The following CPQ variants were observed in gnomAD, a reference collection of about 807,000 sequenced individuals.
CPQ encodes Ser-Met dipeptidase.
A neutral mutation model predicts 45.7 loss-of-function variants in CPQ; 37 were observed. That is an observed-to-expected ratio of 0.81 (90% CI 0.62 to 1.07). CPQ has a LOEUF of 1.07. Among genes scored for constraint, CPQ ranks in the 50% least tolerant of loss-of-function variants. CPQ has a pLI of 0.00. For missense variants in CPQ, 537 were observed against 572.9 expected (o/e 0.94, Z 0.64); for synonymous variants, 186 against 205.8 (o/e 0.90, Z 0.82).
At chr8:97,123,281 ATATAAAAGGC>A (rs1412656840) in intron 7 of CPQ, among the ~76,000 whole-genome samples, 1 of 147,722 alleles carries the variant, frequency 6.8e-6, no homozygotes, top group Non-Finnish European at 1.5e-5. Context: ...TAGTGAGTAA[ATATAAAAGGC>A]ATTTTGGTTT....
At chr8:96,900,025 G>A (rs999849525) in intron 4 of CPQ, among the ~76,000 whole-genome samples, 21 of 152,056 alleles carry the variant, frequency 1.4e-4, no homozygotes, top group African/African-American at 5.1e-4. Context: ...TCAAATTCCT[G>A]GTACCTTTTC....
At chr8:96,855,389 A>C (rs192360990) in intron 3 of CPQ, among the ~76,000 whole-genome samples, 2 of 152,298 alleles carry the variant, frequency 1.3e-5, no homozygotes, top group Admixed American at 1.3e-4. Context: ...GTATCAGATC[A>C]TGAACCCAGG....
At chr8:96,933,127 G>A (rs1250344662) in intron 4 of CPQ, among the ~76,000 whole-genome samples, 1 of 152,102 alleles carries the variant, frequency 6.6e-6, no homozygotes, top group Non-Finnish European at 1.5e-5. Flanking sequence ...CCCTCACCAT[G>A]GGGAATTGGT....
intron 1 of CPQ, among the ~76,000 whole-genome samples, chr8:96,727,167 A>G (rs181353769): frequency 6.6e-6 from 1 of 152,314 alleles, no homozygotes; most frequent in East Asian, 1.9e-4. Flanking sequence ...GTCATAGAGT[A>G]TGTGAGTTTT....
At chr8:96,832,605 C>T (rs1432166991) in intron 2 of CPQ, among the ~76,000 whole-genome samples, 2 of 152,126 alleles carry the variant, frequency 1.3e-5, no homozygotes, top group East Asian at 1.9e-4. Context: ...CAGAGAAGGG[C>T]GGTACCTGAT....
At chr8:96,739,212 T>A (rs1237646393) in intron 1 of CPQ, among the ~76,000 whole-genome samples, 2 of 149,168 alleles carry the variant, frequency 1.3e-5, no homozygotes, top group African/African-American at 4.9e-5. Flanking sequence ...TGATGGCCAG[T>A]GATGGTGAGC....
chr8:97,017,839 C>A (rs1184146177), intron 5 of CPQ, among the ~76,000 whole-genome samples: 2 of 151,718 alleles, frequency 1.3e-5, no homozygotes, highest in Non-Finnish European at 2.9e-5. Flanking sequence ...ATACTCTTGG[C>A]AGTTCTAGGG....
At chr8:96,775,410 AG>A (rs1810592859) in intron 1 of CPQ, among the ~76,000 whole-genome samples, 2 of 152,314 alleles carry the variant, frequency 1.3e-5, no homozygotes, top group Admixed American at 1.3e-4. Context: ...CTGCACTAGA[AG>A]ACATAATGAA....
chr8:97,139,110 G>T (rs1176514284), intron 7 of CPQ, among the ~76,000 whole-genome samples: 2 of 152,108 alleles, frequency 1.3e-5, no homozygotes, highest in African/African-American at 4.8e-5. Flanking sequence ...TCTGCAAAAA[G>T]AACTAGGTGT....
chr8:96,760,895 T>G (rs776694519), intron 1 of CPQ: 10 of 152,214 alleles, frequency 6.6e-5, no homozygotes, highest in Admixed American at 5.2e-4. Context: ...GGAAATGATT[T>G]ACATTTTAGC....
At chr8:97,082,361 T>G (rs1810964528) in intron 7 of CPQ, among the ~76,000 whole-genome samples, 1 of 151,408 alleles carries the variant, frequency 6.6e-6, no homozygotes, top group South Asian at 2.1e-4. Flanking sequence ...GTTGGAAAAG[T>G]TACAGTGACC....
chr8:96,719,084 C>T (rs952181270), intron 1 of CPQ, among the ~76,000 whole-genome samples: 2 of 152,234 alleles, frequency 1.3e-5, no homozygotes, highest in Admixed American at 1.3e-4. Context: ...GCTGTGCGCT[C>T]GCACTCCTCA....
chr8:96,667,480 C>T (rs753883593), intron 1 of CPQ, among the ~76,000 whole-genome samples: 7 of 151,778 alleles, frequency 4.6e-5, no homozygotes, highest in Non-Finnish European at 1.0e-4. Context: ...TCCCATGTAG[C>T]TGGGATTACA....
intron 1 of CPQ, among the ~76,000 whole-genome samples, chr8:96,655,233 A>G (rs1815625151): frequency 1.3e-5 from 2 of 152,068 alleles, no homozygotes; most frequent in South Asian, 4.1e-4. Context: ...ATTGTGTCAC[A>G]TAATTCTTGT....
Position 96,887,103 on chromosome 8 carries a change from C to T in CPQ, c.849+7098C>T, listed in dbSNP as rs1378564814. ...AATGACTCTTTATGACGCCTTGTTC[C>T]CCTGTGCCTCTTTTCACACCCCTTC... is the stretch of plus-strand genomic sequence containing the variant. On this transcript the variant is annotated intron_variant, in intron 4 of 7. Transcript: ENST00000220763. Among the ~76,000 whole-genome samples, 3 of 152,194 alleles carry T rather than the reference C, an allele frequency of 2.0e-5. No individual in the cohort carries two copies. In the East Asian group the frequency reaches 5.8e-4, roughly 29 times the overall value.
chr8:97,043,307 A>G (rs550953247), intron 6 of CPQ, among the ~76,000 whole-genome samples: 17 of 150,544 alleles, frequency 1.1e-4, no homozygotes, highest in Non-Finnish European at 1.9e-4. Context: ...TAGGATTGCA[A>G]CCCCTGCCTT....
At chr8:96,782,932 G>A (rs561447344) in intron 1 of CPQ, among the ~76,000 whole-genome samples, 14 of 152,144 alleles carry the variant, frequency 9.2e-5, no homozygotes, top group East Asian at 3.9e-4. Flanking sequence ...TTTCCAATAC[G>A]TTGTTCTTCA....
chr8:96,711,725 C>G (rs1809610403), intron 1 of CPQ, among the ~76,000 whole-genome samples: 1 of 152,114 alleles, frequency 6.6e-6, no homozygotes, highest in Admixed American at 6.5e-5. Flanking sequence ...CTGGGTCCCT[C>G]CCATGACACA....
intron 7 of CPQ, among the ~76,000 whole-genome samples, chr8:97,098,899 C>G (rs779057125): frequency 8.6e-5 from 13 of 152,030 alleles, no homozygotes; most frequent in Non-Finnish European, 1.9e-4. Flanking sequence ...TGTGTTCACT[C>G]ACACCCCCAC....
Sources: allele counts gnomAD v4.1 joint callset (sites outside exome capture counted in the v4.1 genomes callset), GRCh38; gene constraint gnomAD v4.1.1; transcripts MANE v1.5; gene names NCBI Gene and HGNC (gene_info 2026-07-23, HGNC 2026-07-21).